Variants in RNF126 observed in about 807,000 individuals in gnomAD.
RNF126 encodes ring finger protein 126.
Under a neutral mutation model 41.9 loss-of-function variants are expected in RNF126, and 20 were observed. That is an observed-to-expected ratio of 0.48 (90% confidence interval 0.34 to 0.69). RNF126 has a LOEUF of 0.69. Among genes scored for constraint, RNF126 ranks in the 30% least tolerant of loss-of-function variants. The pLI is 0.01. For synonymous variants in RNF126, 239 were observed against 202.9 expected (o/e 1.18, Z -1.51); for missense variants, 433 against 460.6 (o/e 0.94, Z 0.55).
rs187964788 is a variant in RNF126, at chr19:652,977, G to A, written c.76-93C>T. ...AGGACAGAGGGGCTCCGGACCCAGC[G>A]GTCTCTGGCTGGCCAGGCACACGCA... is the stretch of plus-strand genomic sequence containing the variant. On this transcript the variant is annotated intron_variant, in intron 1 of 8. Coordinates refer to ENST00000292363, the MANE Select transcript of RNF126 (RefSeq NM_194460.3). 818 of 1,238,232 alleles carry A rather than the reference G, an allele frequency of 6.6e-4. 6 individuals carry two copies. The East Asian group carries it at 0.012, about 18-fold the overall frequency. The allele number at this position is 1,238,232 out of a possible 1,614,324, so 76.7% of individuals were successfully genotyped here.
At chr19:651,068 GAC>G (rs1042607913) in intron 4 of RNF126, among the ~76,000 whole-genome samples, 2 of 152,182 alleles carry the variant, frequency 1.3e-5, no homozygotes, top group Admixed American at 6.5e-5. Context: ...CAGCAGGTGA[GAC>G]ACACAACCAT....
chr19:663,143 GCCGC>G lies in RNF126; in HGVS notation c.-26_-23del. 3.4e-6 allele frequency: 4 copies of G among 1,174,590 alleles called. No individual in the cohort carries two copies. The highest frequency in any genetic ancestry group is 4.2e-6 in the Non-Finnish European group (4 of 944,576). 72.8% of individuals were successfully genotyped at this position (1,174,590 alleles called of 1,614,324 possible). ...CCATGGCCGCCGCCACCTACTCCGC[GCCGC>G]CCGCCCCCCGCGCGGCACCCGCCGC... On this transcript the variant is annotated 5_prime_UTR_variant, in exon 1 of 9. Transcript: ENST00000292363.
intron 7 of RNF126, among the ~76,000 whole-genome samples, 193 bp from the exon 8 acceptor site, chr19:648,680 TGCTCGA>T (rs2030102661): frequency 6.6e-6 from 1 of 152,012 alleles, no homozygotes; most frequent in African/African-American, 2.4e-5. Context: ...TTCAGGGAAA[TGCTCGA>T]GGCCGGGTGC....
intron 1 of RNF126, among the ~76,000 whole-genome samples, chr19:656,924 T>C (rs1448449695): frequency 1.3e-5 from 2 of 152,160 alleles, no homozygotes; most frequent in African/African-American, 4.8e-5. Flanking sequence ...GCCCGCCAGC[T>C]GACCGGGAGC....
chr19:650,487 G>T, intron 4 of RNF126, 191 bp from the exon 5 acceptor site: 1 of 527,590 alleles, frequency 1.9e-6, no homozygotes, highest in Non-Finnish European at 3.3e-6. Flanking sequence ...GCTTGATCTT[G>T]GTTCACTGCA....
At chr19:653,464 C>T (rs543007150) in intron 1 of RNF126, among the ~76,000 whole-genome samples, 1 of 152,230 alleles carries the variant, frequency 6.6e-6, no homozygotes, top group Non-Finnish European at 1.5e-5. Context: ...GTCCCAAAAC[C>T]ACGTTCACAG....
intron 3 of RNF126, among the ~76,000 whole-genome samples, 165 bp downstream of exon 3, chr19:652,068 C>G (rs567035727): frequency 6.6e-6 from 1 of 152,270 alleles, no homozygotes; most frequent in East Asian, 1.9e-4. Flanking sequence ...AGAAACCAAC[C>G]AAGCAGCGTG....
chr19:657,766 C>T (rs905550841), intron 1 of RNF126, among the ~76,000 whole-genome samples: 3 of 152,298 alleles, frequency 2.0e-5, no homozygotes, highest in Admixed American at 6.5e-5. Context: ...CCAGGGCCAC[C>T]GAAGGCCGGA....
chr19:653,445 C>T (rs116445499), intron 1 of RNF126, among the ~76,000 whole-genome samples: 71 of 152,310 alleles, frequency 4.7e-4, no homozygotes, highest in African/African-American at 1.6e-3. Flanking sequence ...CAGGGACAGC[C>T]GTGGGTGAGT....
chr19:662,720 G>A (rs2030863061), intron 1 of RNF126, among the ~76,000 whole-genome samples: 4 of 152,204 alleles, frequency 2.6e-5, no homozygotes, highest in Non-Finnish European at 4.4e-5. Flanking sequence ...ACCGGGCTTA[G>A]GGATCCCACC....
chr19:660,237 A>C (rs1401889511), intron 1 of RNF126, among the ~76,000 whole-genome samples: 1 of 152,240 alleles, frequency 6.6e-6, no homozygotes, highest in Non-Finnish European at 1.5e-5. Flanking sequence ...AGCGAATCGC[A>C]TCACTAAACC....
In RNF126 at chr19:662,689, T is replaced by G. The variant is rs555188019; in HGVS notation, c.75+358A>C. Among the ~76,000 whole-genome samples the G allele has an allele frequency of 2.6e-5, 4 of 151,972 alleles. No individual in the cohort carries two copies. The South Asian group carries it at 8.3e-4, about 32-fold the overall frequency. On this transcript the variant is annotated intron_variant, in intron 1 of 8. Coordinates refer to ENST00000292363, the MANE Select transcript of RNF126 (RefSeq NM_194460.3). ...TCTCTGCTCGCCGGGCCTCAGTTTC[T>G]CCGTTTGCAAAACCAGGCTCACCGG...
At chr19:653,360 C>T (rs535246208) in intron 1 of RNF126, among the ~76,000 whole-genome samples, 1 of 152,340 alleles carries the variant, frequency 6.6e-6, no homozygotes, top group East Asian at 1.9e-4. Context: ...AGACCCCATC[C>T]CCAGGTCCCC....
intron 1 of RNF126, among the ~76,000 whole-genome samples, chr19:661,695 G>A (rs2030808944): frequency 1.3e-5 from 2 of 152,136 alleles, no homozygotes; most frequent in Admixed American, 1.3e-4. Context: ...CCCTTCCTGG[G>A]TCTCTACTCC....
rs2030888877 is a variant in RNF126, at chr19:663,185, G to T, written c.-64C>A. The T allele has an allele frequency of 1.3e-6, 1 of 743,840 alleles. No individual in the cohort carries two copies. Among genetic ancestry groups the T allele is most frequent in the Non-Finnish European group, 1.7e-6 (1 of 579,678 alleles). The allele number at this position is 743,840 out of a possible 1,614,324, so 46.1% of individuals were successfully genotyped here. ...CGGCACCCGCCGCCGGCCGTTTGCT[G>T]CTCCCTCGCCGGCCGACGCGCCCGC... On this transcript the variant is annotated 5_prime_UTR_variant, in exon 1 of 9. Coordinates refer to ENST00000292363, the MANE Select transcript of RNF126 (RefSeq NM_194460.3).
chr19:655,642 A>C (rs1171477781), intron 1 of RNF126, among the ~76,000 whole-genome samples: 1 of 149,848 alleles, frequency 6.7e-6, no homozygotes, highest in African/African-American at 2.4e-5. Flanking sequence ...GGAGCCCAGA[A>C]GTCCCCCAGA....
intron 1 of RNF126, among the ~76,000 whole-genome samples, chr19:655,986 C>T (rs1403083663): frequency 6.6e-6 from 1 of 151,884 alleles, no homozygotes; most frequent in African/African-American, 2.4e-5. Flanking sequence ...ATGTCCAGGA[C>T]AGGCCGAGCC....
intron 5 of RNF126, 103 bp from the exon 6 acceptor site, chr19:649,851 C>A (rs2030186237): frequency 1.3e-6 from 1 of 791,638 alleles, no homozygotes; most frequent in South Asian, 1.5e-5. Context: ...GGGACAGGCA[C>A]CCCCTCCTAC....
chr19:662,112 A>G (rs2030828806), intron 1 of RNF126, among the ~76,000 whole-genome samples: 2 of 152,186 alleles, frequency 1.3e-5, no homozygotes, highest in Non-Finnish European at 2.9e-5. Flanking sequence ...TGAGCCCAGG[A>G]GTTCAAGACC....
Sources: gnomAD v4.1 joint callset for allele counts (sites outside exome capture counted in the v4.1 genomes callset) on GRCh38, gnomAD v4.1.1 for gene constraint, MANE v1.5 for transcripts, NCBI Gene and HGNC (gene_info 2026-07-23, HGNC 2026-07-21) for gene names.